FSTL5: variants seen among roughly 807,000 people sequenced by gnomAD.
FSTL5 encodes follistatin like 5.
Under a neutral mutation model 89.1 loss-of-function variants are expected in FSTL5, and 62 were observed. The observed-to-expected ratio is 0.70, with a 90% CI of 0.57 to 0.86. The LOEUF (loss-of-function observed/expected upper bound fraction) is 0.86. Among genes scored for constraint, FSTL5 ranks in the 40% least tolerant of loss-of-function variants. The pLI, the probability that FSTL5 is intolerant of heterozygous loss-of-function variation, is 0.00. For missense variants in FSTL5, 1,057 were observed against 1,001.6 expected (o/e 1.06, Z -0.75); for synonymous variants, 383 against 346.2 (o/e 1.11, Z -1.18).
chr4:161,700,577 T>C lies in FSTL5; in HGVS notation c.728-44083A>G, dbSNP rs1738354000. Among the ~76,000 whole-genome samples, 3 of 152,040 alleles carry C rather than the reference T, an allele frequency of 2.0e-5. No individual in the cohort carries two copies. In the South Asian group the frequency reaches 6.2e-4, roughly 31 times the overall value. On this transcript the variant is annotated intron_variant, in intron 6 of 15. Transcript: ENST00000306100. Reference sequence around the variant, plus strand: ...ATTTGGTAGAGATGAGGTTTTGCTATGTTTGCCCAGGGTGGTCTCGAATTC... The same window carrying C: ...ATTTGGTAGAGATGAGGTTTTGCTACGTTTGCCCAGGGTGGTCTCGAATTC...
intron 8 of FSTL5, among the ~76,000 whole-genome samples, chr4:161,545,890 A>C (rs1731988762): frequency 6.6e-6 from 1 of 152,004 alleles, no homozygotes; most frequent in South Asian, 2.1e-4. Context: ...TTCCTTAAGA[A>C]AATACAAACT....
At chr4:161,498,331 A>C (rs1730164943) in intron 12 of FSTL5, among the ~76,000 whole-genome samples, 1 of 152,064 alleles carries the variant, frequency 6.6e-6, no homozygotes, top group South Asian at 2.1e-4. Context: ...TTGTTTTTTT[A>C]ACTTGAGATT....
At chr4:161,772,297 T>G (rs1364001942) in intron 5 of FSTL5, among the ~76,000 whole-genome samples, 1 of 152,190 alleles carries the variant, frequency 6.6e-6, no homozygotes, top group East Asian at 1.9e-4. Context: ...AAGAATAGTT[T>G]GTAAATTATT....
chr4:161,693,636 CTT>C (rs5863476), intron 6 of FSTL5, among the ~76,000 whole-genome samples: 31 of 105,316 alleles, frequency 2.9e-4, no homozygotes, highest in Admixed American at 1.1e-3. Flanking sequence ...TCTTGTAAAT[CTT>C]TTTTTTTTTT....
chr4:161,975,358 G>A (rs1185095098), intron 3 of FSTL5, among the ~76,000 whole-genome samples: 4 of 152,054 alleles, frequency 2.6e-5, no homozygotes, highest in Non-Finnish European at 4.4e-5. Flanking sequence ...CAACCCAAAC[G>A]TCCAACAGTG....
chr4:162,019,902 C>T (rs954243064), intron 3 of FSTL5, among the ~76,000 whole-genome samples: 8 of 148,998 alleles, frequency 5.4e-5, no homozygotes, highest in Admixed American at 2.7e-4. Context: ...AATATTTTTA[C>T]AAAACTTTAG....
intron 4 of FSTL5, among the ~76,000 whole-genome samples, chr4:161,815,357 C>T (rs1299753744): frequency 6.6e-6 from 1 of 151,752 alleles, no homozygotes; most frequent in Non-Finnish European, 1.5e-5. Context: ...AGTGTGTTGC[C>T]TCTTTTCATT....
intron 1 of FSTL5, among the ~76,000 whole-genome samples, chr4:162,122,017 G>A (rs1464654541): frequency 6.6e-6 from 1 of 151,900 alleles, no homozygotes; most frequent in Non-Finnish European, 1.5e-5. Flanking sequence ...CAAAGTACCT[G>A]CTAATTGACT....
intron 2 of FSTL5, among the ~76,000 whole-genome samples, chr4:162,055,093 G>A (rs1738495337): frequency 1.3e-5 from 2 of 151,722 alleles, no homozygotes; most frequent in Non-Finnish European, 2.9e-5. Flanking sequence ...ATAGAAAAGG[G>A]TAAATTTTAT....
At chr4:162,128,432 T>C (rs899683164) in intron 1 of FSTL5, among the ~76,000 whole-genome samples, 16 of 152,186 alleles carry the variant, frequency 1.1e-4, no homozygotes, top group Non-Finnish European at 4.4e-5. Context: ...AACAGTACCC[T>C]TATGAAAAAG....
At chr4:162,000,876 G>C (rs1370205570) in intron 3 of FSTL5, among the ~76,000 whole-genome samples, 1 of 152,110 alleles carries the variant, frequency 6.6e-6, no homozygotes, top group African/African-American at 2.4e-5. Context: ...AAATGGGAGA[G>C]AGAAGAAGGG....
chr4:161,583,344 G>C (rs1578944711), intron 8 of FSTL5, among the ~76,000 whole-genome samples: 1 of 152,294 alleles, frequency 6.6e-6, no homozygotes, highest in African/African-American at 2.4e-5. Context: ...GGTAGAAACT[G>C]TGTGCTAATC....
intron 15 of FSTL5, among the ~76,000 whole-genome samples, chr4:161,441,322 T>C (rs925024000): frequency 4.7e-5 from 7 of 150,040 alleles, no homozygotes; most frequent in South Asian, 2.1e-4. Flanking sequence ...TTCTTGAGCT[T>C]TATAAATTAC....
chr4:161,930,501 A>G (rs1240209679), intron 3 of FSTL5, among the ~76,000 whole-genome samples: 1 of 149,640 alleles, frequency 6.7e-6, no homozygotes, highest in East Asian at 1.9e-4. Flanking sequence ...GTCATTTTTA[A>G]AGCTTTTTTT....
chr4:161,648,396 G>T (rs1736224634), intron 7 of FSTL5, among the ~76,000 whole-genome samples: 3 of 152,134 alleles, frequency 2.0e-5, no homozygotes, highest in South Asian at 4.1e-4. Context: ...GCATGAAGAA[G>T]TGAGCCACAG....
intron 10 of FSTL5, among the ~76,000 whole-genome samples, chr4:161,519,122 T>C (rs9998125): frequency 0.021 from 3,179 of 152,298 alleles, 96 homozygotes; most frequent in African/African-American, 0.072. Flanking sequence ...AAGACACTCA[T>C]CTTCACTTCC....
chr4:161,961,010 T>C (rs1735159620), intron 3 of FSTL5, among the ~76,000 whole-genome samples: 1 of 152,148 alleles, frequency 6.6e-6, no homozygotes, highest in Non-Finnish European at 1.5e-5. Flanking sequence ...ATTTAAGAAA[T>C]TTAATTTATA....
chr4:161,976,220 C>G (rs1238312558), intron 3 of FSTL5, among the ~76,000 whole-genome samples: 1 of 151,762 alleles, frequency 6.6e-6, no homozygotes, highest in Non-Finnish European at 1.5e-5. Context: ...TTTCCTTTGG[C>G]AGAAAGGCAG....
Position 162,011,279 on chromosome 4 carries a change from T to A in FSTL5, c.160+22346A>T, listed in dbSNP as rs192877310. 7.2e-5 allele frequency among the ~76,000 whole-genome samples: 11 copies of A among 152,226 alleles called. No homozygotes were observed. The East Asian group carries it at 2.1e-3, about 29-fold the overall frequency. ...TTTCCATTCCCAGGCTCATATTGAG[T>A]TATATGCCAGAAGATATTACTTGAA... is the stretch of plus-strand genomic sequence containing the variant. On this transcript the variant is annotated intron_variant, in intron 3 of 15. Transcript: ENST00000306100.
Sources: gnomAD v4.1 joint callset for allele counts (sites outside exome capture counted in the v4.1 genomes callset) on GRCh38, gnomAD v4.1.1 for gene constraint, MANE v1.5 for transcripts, NCBI Gene and HGNC (gene_info 2026-07-23, HGNC 2026-07-21) for gene names.